SETX: variants seen among roughly 807,000 people sequenced by gnomAD.
SETX encodes the protein senataxin.
SETX carries 90 observed loss-of-function variants against 227.2 expected under a neutral mutation model. That is an observed-to-expected ratio of 0.40 (90% confidence interval 0.33 to 0.47). The LOEUF is 0.47. SETX is among the 20% of genes least tolerant of loss of function. The pLI is 0.91. For missense variants in SETX, 3,052 were observed against 3,181.5 expected (o/e 0.96, Z 0.98); for synonymous variants, 1,210 against 1,113.2 (o/e 1.09, Z -1.73).
Position 132,330,430 on chromosome 9 carries a change from C to T in SETX, c.1168G>A (p.Ala390Thr). The change falls in exon 10 of 26, where the codon GCC (alanine) becomes ACC (threonine). Residue 390 changes from alanine (A) to threonine (T), a missense_variant. This residue lies in a region of SETX where 39 missense variants were observed against 84.8 expected (regional missense o/e 0.46). Coordinates refer to ENST00000224140, the MANE Select transcript of SETX (RefSeq NM_015046.7). ...CCAATATCTGACTGAAGTACACTGG[C>T]TAATGTTTCCATTTCTTCATACATG... ...PNMYEEMETL[A>T]SVLQSDIGQD... 6.2e-7 allele frequency: 1 copy of T among 1,614,084 alleles called. No homozygotes were observed. The highest frequency in any genetic ancestry group is 8.5e-7 in the Non-Finnish European group (1 of 1,179,988).
chr9:132,336,240 CA>C (rs1342725251), intron 6 of SETX, 55 bp downstream of exon 6: 1 of 1,474,274 alleles, frequency 6.8e-7, no homozygotes, highest in African/African-American at 1.4e-5. Context: ...GAGACTGTCT[CA>C]AAAAACAGAA....
In SETX at chr9:132,296,041, A is replaced by G. The variant is rs1364613249; in HGVS notation, c.5950-13T>C. 1 of 1,614,218 alleles carries G rather than the reference A, an allele frequency of 6.2e-7. No individual in the cohort carries two copies. The stretch of plus-strand genomic sequence containing the variant: ...CCTTCCTCTGGTTCTACAATTTGCC[A>G]CATATACATACCAAACAAACACACA... On this transcript the variant is annotated splice_polypyrimidine_tract_variant and intron_variant, in intron 14 of 25. Transcript: ENST00000224140.
intron 10 of SETX, among the ~76,000 whole-genome samples, chr9:132,313,333 G>C (rs1845779241): frequency 6.6e-6 from 1 of 152,054 alleles, no homozygotes; most frequent in African/African-American, 2.4e-5. Flanking sequence ...TTACCTGAGA[G>C]TACCTAGAAG....
At chr9:132,305,383 A>G (rs1033284222) in intron 11 of SETX, among the ~76,000 whole-genome samples, 1 of 151,586 alleles carries the variant, frequency 6.6e-6, no homozygotes, top group African/African-American at 2.4e-5. Context: ...TATTTCGAAC[A>G]AAAACCTCAA....
intron 10 of SETX, among the ~76,000 whole-genome samples, chr9:132,321,857 GAA>G (rs1157960463): frequency 6.6e-6 from 1 of 151,674 alleles, no homozygotes; most frequent in African/African-American, 2.4e-5. Flanking sequence ...GAAGAAAAAA[GAA>G]AAAGAAAAAG....
rs560155272 is a variant in SETX, at chr9:132,291,581, A to T, written c.6107-2930T>A. Among the ~76,000 whole-genome samples, 31 of 152,218 alleles carry T rather than the reference A, an allele frequency of 2.0e-4. No homozygotes were observed. In the South Asian group the frequency reaches 6.4e-3, roughly 32 times the overall value. On this transcript the variant is annotated intron_variant, in intron 15 of 25. Coordinates refer to ENST00000224140, the MANE Select transcript of SETX (RefSeq NM_015046.7). ...GCAAATTATAACAGATATCCTTTACACTGCTGGGTAAGCTCAGGGGAATGT... is the reference window on the plus strand; with the variant it reads ...GCAAATTATAACAGATATCCTTTACTCTGCTGGGTAAGCTCAGGGGAATGT...
chr9:132,329,208 T>C lies in SETX; in HGVS notation c.2390A>G (p.Lys797Arg), dbSNP rs1273786747. 7 of 1,613,848 alleles carry C rather than the reference T, an allele frequency of 4.3e-6. No homozygotes were observed. The highest frequency in any genetic ancestry group is 5.9e-6 in the Non-Finnish European group (7 of 1,179,914). Residue 797 changes from lysine (K) to arginine (R), a missense_variant, in exon 10 of 26, where the codon AAG becomes AGG. Around this residue, in one of 10 missense-constraint regions of SETX, gnomAD observed 1,483 missense variants for 1,312.0 expected, o/e 1.13. Coordinates refer to ENST00000224140, the MANE Select transcript of SETX (RefSeq NM_015046.7). ...ICAKLSHVIK[K>R]QHRKSTLVDN... ...GACCAAAGTACTCTTCCTGTGTTGC[T>C]TCTTTATTACATGTGATAACTTTGC...
At position 132,349,390 on chromosome 9, in the gene SETX, G is replaced by A; in HGVS notation, c.39C>T (p.Ser13=). 6.2e-7 allele frequency: 1 copy of A among 1,614,122 alleles called. No homozygotes were observed. Among genetic ancestry groups the A allele is most frequent in the Non-Finnish European group, 8.5e-7 (1 of 1,180,028 alleles). Residue 13 remains serine (S), a synonymous_variant, in exon 3 of 26, where the codon TCC becomes TCT. Transcript: ENST00000224140. Reference sequence around the variant, plus strand: ...CATAGCGCTTTAGGAAGTCAATGGTGGAAGCACCACCTGGCGTACACCAAC... The same window carrying A: ...CATAGCGCTTTAGGAAGTCAATGGTAGAAGCACCACCTGGCGTACACCAAC... ...TCCWCTPGGA[S]TIDFLKRYAS... is the part of the protein sequence containing the mutation.
At chr9:132,272,371 A>AC (rs979904099) in intron 23 of SETX, among the ~76,000 whole-genome samples, 170 of 151,586 alleles carry the variant, frequency 1.1e-3, no homozygotes, top group African/African-American at 4.0e-3. Flanking sequence ...CTGGTCTCAA[A>AC]CCCCTGGCCC....
At chr9:132,355,763 G>C (rs1269992282), upstream of SETX, among the ~76,000 whole-genome samples, 1 of 152,196 alleles carries the variant, frequency 6.6e-6, no homozygotes, top group African/African-American at 2.4e-5. Context: ...GAGGCGGGTG[G>C]ATCACCTGAG....
intron 10 of SETX, among the ~76,000 whole-genome samples, chr9:132,323,071 C>T (rs1257237631): frequency 6.6e-6 from 1 of 151,992 alleles, no homozygotes; most frequent in African/African-American, 2.4e-5. Context: ...TGCAAGATTT[C>T]AAAAATGTAC....
At chr9:132,307,535 G>A (rs1384008100) in intron 11 of SETX, among the ~76,000 whole-genome samples, 1 of 152,064 alleles carries the variant, frequency 6.6e-6, no homozygotes, top group African/African-American at 2.4e-5. Flanking sequence ...TATATATGAT[G>A]AACTTGGAAC....
chr9:132,324,774 A>G (rs1327211644), intron 10 of SETX, among the ~76,000 whole-genome samples: 1 of 152,198 alleles, frequency 6.6e-6, no homozygotes, highest in Non-Finnish European at 1.5e-5. Context: ...AACCATGACT[A>G]TTTACCTCAA....
Position 132,328,126 on chromosome 9 carries a change from T to G in SETX, c.3472A>C (p.Lys1158Gln). 1 of 1,614,094 alleles carries G rather than the reference T, an allele frequency of 6.2e-7. No homozygotes were observed. ...TCAGATCGTTTTCTCTTAGGCTTTT[T>G]TACTTCAATTTCACAAAATTCTTCA... ...SVEEFCEIEV[K>Q]KPKRKRSEKP... The change falls in exon 10 of 26, where the codon AAA becomes CAA. Residue 1158 changes from lysine (K) to glutamine (Q), a missense_variant. Lys to Gln is a moderately conservative substitution (Grantham distance 53). Around this residue, in one of 10 missense-constraint regions of SETX, gnomAD observed 1,483 missense variants for 1,312.0 expected, o/e 1.13. Transcript: ENST00000224140.
rs1846992013 is a variant in SETX at position 132,328,450 on chromosome 9, C to T, written c.3148G>A (p.Val1050Ile). The change falls in exon 10 of 26, where the codon GTT becomes ATT. Residue 1050 changes from valine to isoleucine, a missense_variant. By Grantham distance (29) the Val-to-Ile change is conservative. Around this residue, in one of 10 missense-constraint regions of SETX, gnomAD observed 1,483 missense variants for 1,312.0 expected, o/e 1.13. Coordinates refer to ENST00000224140, the MANE Select transcript of SETX (RefSeq NM_015046.7). Reference sequence around the variant, plus strand: ...TCCTCCTTACTATTAACTGTTGAAACGTGCTGCTCTGGATGTTCCCTCTCA... The same window carrying T: ...TCCTCCTTACTATTAACTGTTGAAATGTGCTGCTCTGGATGTTCCCTCTCA... ...CLEREHPEQH[V>I]STVNSKEEKN... is the part of the protein sequence containing the mutation. 1.2e-6 allele frequency: 2 copies of T among 1,613,626 alleles called. No homozygotes were observed.
At chr9:132,305,799 T>C (rs1314148410) in intron 11 of SETX, among the ~76,000 whole-genome samples, 2 of 152,116 alleles carry the variant, frequency 1.3e-5, no homozygotes, top group African/African-American at 4.8e-5. Flanking sequence ...TGAATGGAAT[T>C]TGTGATTCTA....
Position 132,283,246 on chromosome 9 carries a change from GGCTGACCGT to G in SETX, c.6546+9_6546+17del. 12 of 1,613,816 alleles carry G rather than the reference GGCTGACCGT, an allele frequency of 7.4e-6. No individual in the cohort carries two copies. The highest frequency in any genetic ancestry group is 1.0e-5 in the Non-Finnish European group (12 of 1,179,890). On this transcript the variant is annotated intron_variant, in intron 19 of 25. Transcript: ENST00000224140. ...CTCATAGTAGTAGTCAAAGTTGTAT[GGCTGACCGT>G]TCACTGACCTCATCAACAATGACAC... is the stretch of plus-strand genomic sequence containing the variant.
intron 10 of SETX, among the ~76,000 whole-genome samples, 166 bp from the exon 11 acceptor site, chr9:132,312,022 C>G (rs979739445): frequency 6.6e-6 from 1 of 152,142 alleles, no homozygotes; most frequent in Non-Finnish European, 1.5e-5. Flanking sequence ...TGGAACTGTC[C>G]TGCCCAATTC....
intron 3 of SETX, among the ~76,000 whole-genome samples, chr9:132,348,628 A>G (rs1254042637): frequency 6.6e-6 from 1 of 152,124 alleles, no homozygotes; most frequent in Non-Finnish European, 1.5e-5. Flanking sequence ...TACTTGACTT[A>G]TATTAGCCTT....
Sources: allele counts gnomAD v4.1 joint callset (sites outside exome capture counted in the v4.1 genomes callset), GRCh38; gene constraint gnomAD v4.1.1; regional missense constraint gnomAD v4.1.1; transcripts MANE v1.5; gene names NCBI Gene and HGNC (gene_info 2026-07-23, HGNC 2026-07-21).